CCDC77: variants seen among roughly 807,000 people sequenced by gnomAD.
The protein encoded by CCDC77 is coiled-coil domain-containing protein 77.
CCDC77 carries 56 observed loss-of-function variants against 66.8 expected under a neutral mutation model. That is an observed-to-expected ratio of 0.84 (90% CI 0.68 to 1.05). The LOEUF is 1.05. Among genes scored for constraint, CCDC77 ranks in the 50% least tolerant of loss-of-function variants. The pLI, the probability that CCDC77 is intolerant of heterozygous loss-of-function variation, is 0.00. For synonymous variants in CCDC77, 196 were observed against 195.2 expected (o/e 1.00, Z -0.03); for missense variants, 570 against 576.8 (o/e 0.99, Z 0.12).
chr12:428,371 C>G (rs1420045535), intron 5 of CCDC77, among the ~76,000 whole-genome samples: 1 of 151,922 alleles, frequency 6.6e-6, no homozygotes, highest in East Asian at 1.9e-4. Flanking sequence ...ATTAGCCGGG[C>G]ATAGTGGCGG....
At chr12:413,105 A>T (rs1945146524) in intron 4 of CCDC77, among the ~76,000 whole-genome samples, 1 of 149,560 alleles carries the variant, frequency 6.7e-6, no homozygotes. Flanking sequence ...TGCCTGGCTA[A>T]TTTTTTGTAC....
Position 442,089 on chromosome 12 carries a change from A to T in CCDC77, c.*169A>T. On this transcript the variant is annotated 3_prime_UTR_variant, in exon 13 of 13. Transcript: ENST00000239830. ...GGACCACTAGGAAAGCTTTTCTTGC[A>T]TACTCAGCTTGCTTTATCATTTTTG... 2 of 689,222 alleles carry T rather than the reference A, an allele frequency of 2.9e-6. No homozygotes were observed. Among genetic ancestry groups the T allele is most frequent in the Non-Finnish European group, 4.9e-6 (2 of 408,266 alleles). The allele number at this position is 689,222 out of a possible 1,614,324, so 42.7% of individuals were successfully genotyped here. A position where few individuals can be genotyped will look rare whatever the true frequency, so the allele number is the denominator to read the frequency against.
intron 8 of CCDC77, among the ~76,000 whole-genome samples, chr12:432,610 C>A (rs927376421): frequency 6.6e-6 from 1 of 152,130 alleles, no homozygotes; most frequent in African/African-American, 2.4e-5. Flanking sequence ...GGGAGACAGT[C>A]AAGGGAGATA....
At chr12:399,894 T>A (rs565827238), upstream of CCDC77, among the ~76,000 whole-genome samples, 1 of 152,350 alleles carries the variant, frequency 6.6e-6, no homozygotes, top group South Asian at 2.1e-4. Context: ...AGTCTGTTCT[T>A]AGAAGCTGTG....
intron 12 of CCDC77, 71 bp downstream of exon 12, chr12:441,067 C>T: frequency 1.3e-6 from 2 of 1,510,696 alleles, no homozygotes; most frequent in African/African-American, 1.4e-5. Context: ...CACGAGGGCC[C>T]CTGAAAAGAA....
chr12:400,581 C>T (rs1408940665), upstream of CCDC77, among the ~76,000 whole-genome samples: 1 of 152,034 alleles, frequency 6.6e-6, no homozygotes, highest in Non-Finnish European at 1.5e-5. Flanking sequence ...AATAAGGAGG[C>T]AAGAAGAGAG....
At chr12:438,690 T>G in intron 10 of CCDC77, 136 bp downstream of exon 10, 1 of 628,268 alleles carries the variant, frequency 1.6e-6, no homozygotes, top group South Asian at 2.0e-5. Context: ...GAACTAGGTT[T>G]CAAAGAGCAG....
At chr12:420,075 G>A (rs868322417) in intron 5 of CCDC77, among the ~76,000 whole-genome samples, 6 of 6,392 alleles carry the variant, frequency 9.4e-4, no homozygotes, top group Admixed American at 2.1e-3. Context: ...CACCCTCCAT[G>A]CTCCATTACA....
chr12:431,066 CAAAAAA>C (rs372949107), intron 7 of CCDC77, among the ~76,000 whole-genome samples: 4 of 105,606 alleles, frequency 3.8e-5, no homozygotes, highest in African/African-American at 7.4e-5. Flanking sequence ...AGACTATCTC[CAAAAAA>C]AAAAAAAAAA....
At chr12:429,641 C>G (rs1382882956) in intron 6 of CCDC77, among the ~76,000 whole-genome samples, 1 of 151,748 alleles carries the variant, frequency 6.6e-6, no homozygotes, top group Non-Finnish European at 1.5e-5. Context: ...GTATTTTTTG[C>G]AGAGATGGGG....
chr12:423,479 G>GTTTTTTTTTTTTTTTTTTTTTTTTTTTTT (rs1289177296), intron 5 of CCDC77, among the ~76,000 whole-genome samples: 1 of 21,232 alleles, frequency 4.7e-5, no homozygotes, highest in African/African-American at 1.6e-4. Flanking sequence ...TGTTTTTTGT[G>GTTTTTTTTTTTTTTTTTTTTTTTTTTTTT]TTTTTTTTTG....
At chr12:441,659 A>T (rs1043399448) in intron 12 of CCDC77, 115 bp from the exon 13 acceptor site, 12 of 1,057,570 alleles carry the variant, frequency 1.1e-5, no homozygotes, top group Non-Finnish European at 1.6e-5. Flanking sequence ...AATTTATCCT[A>T]TGTACTCAAA....
chr12:406,896 G>A (rs1196773692), intron 2 of CCDC77, among the ~76,000 whole-genome samples: 9 of 152,200 alleles, frequency 5.9e-5, no homozygotes, highest in Non-Finnish European at 1.0e-4. Flanking sequence ...GCAGTGAGCC[G>A]AGATTGCGCC....
At chr12:415,330 A>AATATGTTAATATAATCAAC (rs1945210107) in intron 4 of CCDC77, among the ~76,000 whole-genome samples, 1 of 95,368 alleles carries the variant, frequency 1.0e-5, no homozygotes, top group Non-Finnish European at 1.9e-5. Context: ...TAATCAACAT[A>AATATGTTAATATAATCAAC]ATATTATGTT....
chr12:427,148 A>G (rs1038250212), intron 5 of CCDC77, among the ~76,000 whole-genome samples: 11 of 152,070 alleles, frequency 7.2e-5, no homozygotes, highest in East Asian at 1.9e-4. Flanking sequence ...GGGAGGCTGA[A>G]GCAGGAGAAT....
In CCDC77 at chr12:436,115, C is replaced by CTTT. The variant is rs1181059309; in HGVS notation, c.822-2202_822-2200dup. On this transcript the variant is annotated intron_variant, in intron 9 of 12. Transcript: ENST00000239830. ...ATTGTTCCTATTGCTGATCCTTTGTCTTTTTTTTTTTTTTTTTTTTGAGAC... is the reference window on the plus strand; with the variant it reads ...ATTGTTCCTATTGCTGATCCTTTGTCTTTTTTTTTTTTTTTTTTTTTTTGAGAC... Among the ~76,000 whole-genome samples, 75 of 106,122 alleles carry CTTT rather than the reference C, an allele frequency of 7.1e-4. 2 individuals are homozygous for CTTT. Among genetic ancestry groups the CTTT allele is most frequent in the South Asian group, 3.7e-3 (11 of 2,972 alleles). 69.6% of individuals were successfully genotyped at this position (106,122 alleles called of 152,430 possible).
At chr12:394,407 T>A (rs1341216109) in intron 1 of CCDC77, among the ~76,000 whole-genome samples, 1 of 152,268 alleles carries the variant, frequency 6.6e-6, no homozygotes, top group African/African-American at 2.4e-5. Flanking sequence ...CAGTGAAATC[T>A]ATGTAATGAA....
intron 4 of CCDC77, among the ~76,000 whole-genome samples, chr12:416,385 A>ATGTG (rs1565569230): frequency 2.6e-3 from 83 of 32,164 alleles, no homozygotes; most frequent in African/African-American, 0.012. Flanking sequence ...GTGTATATAT[A>ATGTG]TATATATATA....
intron 3 of CCDC77, among the ~76,000 whole-genome samples, chr12:410,069 T>G: frequency 6.6e-6 from 1 of 152,016 alleles, no homozygotes; most frequent in Admixed American, 6.6e-5. Context: ...GGGAAAATGT[T>G]TAAGTTTTTC....
Sources: gnomAD v4.1 joint callset for allele counts (sites outside exome capture counted in the v4.1 genomes callset) on GRCh38, gnomAD v4.1.1 for gene constraint, MANE v1.5 for transcripts, NCBI Gene and HGNC (gene_info 2026-07-23, HGNC 2026-07-21) for gene names.